POLR1C: variants seen among roughly 807,000 people sequenced by gnomAD.
POLR1C encodes RNA polymerase I and III subunit C, also known as DNA-directed RNA polymerases I and III subunit RPAC1.
POLR1C carries 42 observed loss-of-function variants against 38.3 expected under a neutral mutation model. That is an observed-to-expected ratio of 1.10 (90% CI 0.86 to 1.42). POLR1C has a LOEUF of 1.42. Ranked by LOEUF, POLR1C falls within the 40% of genes most tolerant of loss-of-function variation. POLR1C has a pLI of 0.00. For synonymous variants in POLR1C, 163 were observed against 163.9 expected (o/e 0.99, Z 0.04); for missense variants, 507 against 450.5 (o/e 1.13, Z -1.14).
intron 10 of POLR1C, among the ~76,000 whole-genome samples, chr6:43,556,903 G>C (rs1411726951): frequency 6.6e-6 from 1 of 151,912 alleles, no homozygotes; most frequent in Non-Finnish European, 1.5e-5. Context: ...CAAGGCAGGT[G>C]AATCAGCTGA....
intron 6 of POLR1C, 71 bp from the exon 7 acceptor site, chr6:43,520,551 TTAG>T: frequency 6.2e-7 from 1 of 1,603,574 alleles, no homozygotes; most frequent in Non-Finnish European, 8.5e-7. Context: ...GCTTTTGCTG[TTAG>T]TAGCTTAGGA....
At chr6:43,539,294 A>C (rs1416189507) in intron 9 of POLR1C, 1 of 1,539,406 alleles carries the variant, frequency 6.5e-7, no homozygotes, top group African/African-American at 1.4e-5. Context: ...ACCCAGACCG[A>C]CGTGGCCACT....
intron 10 of POLR1C, chr6:43,561,290 A>T: frequency 2.9e-6 from 1 of 349,776 alleles, no homozygotes; most frequent in South Asian, 4.2e-5. Flanking sequence ...GAAATTACAG[A>T]AAGAAAAAAA....
chr6:43,523,461 T>G (rs112432975), downstream of POLR1C: 7 of 351,846 alleles, frequency 2.0e-5, no homozygotes, highest in African/African-American at 1.5e-4. Flanking sequence ...GCACAAGTAG[T>G]TGAGGGCTGT....
chr6:43,550,663 C>T (rs1795184484), intron 9 of POLR1C, among the ~76,000 whole-genome samples: 1 of 152,192 alleles, frequency 6.6e-6, no homozygotes, highest in Non-Finnish European at 1.5e-5. Context: ...AGATCTTCAA[C>T]CTCAAATAGC....
chr6:43,521,503 A>G lies in POLR1C; in HGVS notation c.*203A>G, dbSNP rs1177193003. ...GCCTTAGATGTAAATAAACTCACCC[A>G]AACAAAAAAACTTTTTGAGACTACT... On this transcript the variant is annotated 3_prime_UTR_variant, in exon 9 of 9. Coordinates refer to ENST00000642195, the MANE Select transcript of POLR1C (RefSeq NM_203290.4). 6 of 1,343,514 alleles carry G rather than the reference A, an allele frequency of 4.5e-6. No individual in the cohort carries two copies. In the East Asian group the frequency reaches 2.0e-4, roughly 44 times the overall value. 83.2% of individuals were successfully genotyped at this position (1,343,514 alleles called of 1,614,324 possible).
intron 10 of POLR1C, among the ~76,000 whole-genome samples, chr6:43,557,763 ATT>A (rs1211023072): frequency 6.8e-6 from 1 of 146,276 alleles, no homozygotes; most frequent in African/African-American, 2.6e-5. Context: ...TGGTAAATGA[ATT>A]TTGTCTCAAT....
At chr6:43,531,733 T>C (rs1258568145), downstream of POLR1C, among the ~76,000 whole-genome samples, 1 of 152,136 alleles carries the variant, frequency 6.6e-6, no homozygotes, top group Admixed American at 6.5e-5. Context: ...TGCACTCTTT[T>C]GGTAGGAGAA....
chr6:43,524,965 G>C (rs1239156633), downstream of POLR1C: 1 of 1,612,978 alleles, frequency 6.2e-7, no homozygotes, highest in East Asian at 2.2e-5. Context: ...GTCCCTGACA[G>C]CACCTGGGGA....
exon 11 of POLR1C, chr6:43,562,175 A>G (rs1762451425): frequency 3.1e-6 from 4 of 1,276,870 alleles, no homozygotes; most frequent in Non-Finnish European, 4.4e-6. Flanking sequence ...GCAACCCCTC[A>G]TTGAAACATA....
chr6:43,518,234 G>T (rs910878945), intron 2 of POLR1C, among the ~76,000 whole-genome samples: 2 of 152,200 alleles, frequency 1.3e-5, no homozygotes, highest in African/African-American at 4.8e-5. Context: ...CAGATCTGTT[G>T]TAAGGGAAGC....
At chr6:43,521,519 TGA>T, downstream of POLR1C, 7 of 1,288,664 alleles carry the variant, frequency 5.4e-6, no homozygotes, top group South Asian at 1.1e-4. Flanking sequence ...AAAAACTTTT[TGA>T]GACTACTTTT....
At chr6:43,538,782 T>TC (rs1200996399) in intron 9 of POLR1C, 14 of 710,332 alleles carry the variant, frequency 2.0e-5, no homozygotes, top group Admixed American at 1.3e-4. Context: ...TTTTTTTTTT[T>TC]CCCACGCTTA....
At chr6:43,539,007 G>A (rs932489250) in intron 9 of POLR1C, 80 of 1,535,122 alleles carry the variant, frequency 5.2e-5, no homozygotes, top group Non-Finnish European at 7.1e-5. Flanking sequence ...AAGTTGCCCA[G>A]GGTGGCAGTG....
At chr6:43,555,592 A>G in intron 10 of POLR1C, 1 of 313,842 alleles carries the variant, frequency 3.2e-6, no homozygotes, top group African/African-American at 2.1e-5. Context: ...TCTGTTAGAA[A>G]TGGAAAATGA....
At chr6:43,555,599 A>T (rs1762037146) in intron 10 of POLR1C, 2 of 331,756 alleles carry the variant, frequency 6.0e-6, no homozygotes, top group Non-Finnish European at 1.1e-5. Context: ...GAAATGGAAA[A>T]TGATGGCAAA....
chr6:43,538,313 T>A (rs975084071), intron 9 of POLR1C, among the ~76,000 whole-genome samples: 1 of 151,760 alleles, frequency 6.6e-6, no homozygotes, highest in African/African-American at 2.4e-5. Context: ...CCACACCTGG[T>A]TACTTTTTTA....
downstream of POLR1C, chr6:43,525,309 TC>T (rs1793503566): frequency 6.1e-6 from 7 of 1,153,422 alleles, no homozygotes; most frequent in East Asian, 5.2e-5. Context: ...TTTTTTTTTT[TC>T]CTCCCCCCCT....
At chr6:43,558,385 C>G in intron 10 of POLR1C, 1 of 865,944 alleles carries the variant, frequency 1.2e-6, no homozygotes, top group Non-Finnish European at 1.7e-6. Context: ...AATAAGTAGG[C>G]TGCTATCCAG....
Sources: allele counts gnomAD v4.1 joint callset (sites outside exome capture counted in the v4.1 genomes callset), GRCh38; gene constraint gnomAD v4.1.1; transcripts MANE v1.5; gene names NCBI Gene and HGNC (gene_info 2026-07-23, HGNC 2026-07-21).